The following TYW3 variants were observed in gnomAD, a reference collection of about 807,000 sequenced individuals.
TYW3 encodes tRNA-yW synthesizing protein 3 homolog.
In TYW3, 26 loss-of-function variants were observed where a neutral mutation model predicts 23.1. That is an observed-to-expected ratio of 1.13 (90% CI 0.83 to 1.56). TYW3 has a LOEUF of 1.56. Ranked by LOEUF, TYW3 falls within the 40% of genes most tolerant of loss-of-function variation. The pLI, the probability that TYW3 is intolerant of heterozygous loss-of-function variation, is 0.00. For missense variants in TYW3, 316 were observed against 311.9 expected (o/e 1.01, Z -0.10); for synonymous variants, 102 against 105.7 (o/e 0.97, Z 0.21).
chr1:74,746,147 A>G (rs776319403), intron 3 of TYW3, among the ~76,000 whole-genome samples: 61 of 152,360 alleles, frequency 4.0e-4, no homozygotes, highest in Non-Finnish European at 7.3e-4. Context: ...TCTGGAACTC[A>G]GGGGAGCCAT....
At position 74,733,388 on chromosome 1, in the gene TYW3, C is replaced by T; in HGVS notation, c.144C>T (p.Ser48=). 1 of 1,614,230 alleles carries T rather than the reference C, an allele frequency of 6.2e-7. No individual in the cohort carries two copies. Among genetic ancestry groups the T allele is most frequent in the Non-Finnish European group, 8.5e-7 (1 of 1,180,036 alleles). ...GAGATCAGTTTTTCACCACCAGCTC[C>T]TGCGCTGGCCGCATCCTACTCCTTG... ...NMRDQFFTTS[S]CAGRILLLDR... is the part of the protein sequence containing the mutation. The change falls in exon 1 of 6, where the codon TCC becomes TCT. Residue 48 remains serine (S), a synonymous_variant. Coordinates refer to ENST00000370867, the MANE Select transcript of TYW3 (RefSeq NM_138467.3).
At chr1:74,759,454 A>G (rs1446738941) in intron 5 of TYW3, among the ~76,000 whole-genome samples, 1 of 148,890 alleles carries the variant, frequency 6.7e-6, no homozygotes, top group African/African-American at 2.5e-5. Context: ...GCCAGAAGTG[A>G]TTGTCACACC....
At position 74,737,464 on chromosome 1, in the gene TYW3, G is replaced by A. The variant is rs530586846; in HGVS notation, c.255+842G>A. ...TCTTAGGTTAATTATTTTTGCTAGT[G>A]GAATGTGATGATATCCTTGATCAGA... is the stretch of plus-strand genomic sequence containing the variant. On this transcript the variant is annotated intron_variant, in intron 2 of 5. Coordinates refer to ENST00000370867, the MANE Select transcript of TYW3 (RefSeq NM_138467.3). 2.0e-5 allele frequency among the ~76,000 whole-genome samples: 3 copies of A among 152,276 alleles called. No homozygotes were observed. In the South Asian group the frequency reaches 6.2e-4, roughly 32 times the overall value.
chr1:74,736,736 G>A (rs1648168463), intron 2 of TYW3, 114 bp downstream of exon 2: 1 of 804,192 alleles, frequency 1.2e-6, no homozygotes, highest in African/African-American at 1.8e-5. Flanking sequence ...AATGGCTGAA[G>A]ATTATAAAAC....
intron 3 of TYW3, among the ~76,000 whole-genome samples, chr1:74,740,248 T>C (rs1309216903): frequency 6.6e-6 from 1 of 152,200 alleles, no homozygotes; most frequent in Admixed American, 6.5e-5. Flanking sequence ...CAGTGAGTGT[T>C]ACAGCTCTTA....
chr1:74,742,647 C>A (rs142014843), intron 3 of TYW3, among the ~76,000 whole-genome samples: 2 of 152,330 alleles, frequency 1.3e-5, no homozygotes, highest in African/African-American at 4.8e-5. Flanking sequence ...CAATGTAAGA[C>A]TGCCACCTCC....
intron 3 of TYW3, among the ~76,000 whole-genome samples, chr1:74,741,439 G>A (rs909783380): frequency 6.6e-6 from 1 of 152,104 alleles, no homozygotes; most frequent in African/African-American, 2.4e-5. Context: ...TAACTGGGGT[G>A]TGGTGAATCC....
chr1:74,733,563 G>T, intron 1 of TYW3, 145 bp downstream of exon 1: 1 of 1,436,556 alleles, frequency 7.0e-7, no homozygotes, highest in South Asian at 1.5e-5. Context: ...GTGAAATTTA[G>T]GGGATTAGAT....
intron 5 of TYW3, among the ~76,000 whole-genome samples, chr1:74,761,062 AC>A (rs1366952385): frequency 3.9e-5 from 5 of 128,680 alleles, no homozygotes; most frequent in Admixed American, 3.2e-4. Context: ...GCCTGAACAT[AC>A]TTTTTTTTTT....
At chr1:74,744,956 A>G (rs1399854961) in intron 3 of TYW3, among the ~76,000 whole-genome samples, 1 of 147,872 alleles carries the variant, frequency 6.8e-6, no homozygotes, top group Non-Finnish European at 1.5e-5. Context: ...CAGGAGTGAA[A>G]CTGCAGACAT....
chr1:74,763,862 C>G (rs1214184786), intron 5 of TYW3, 32 bp from the exon 6 acceptor site: 1 of 1,535,006 alleles, frequency 6.5e-7, no homozygotes, highest in Non-Finnish European at 8.8e-7. Context: ...TCAGTACACA[C>G]AGATATAATA....
At chr1:74,742,500 G>C (rs781568575) in intron 3 of TYW3, among the ~76,000 whole-genome samples, 27 of 152,152 alleles carry the variant, frequency 1.8e-4, no homozygotes, top group Non-Finnish European at 2.6e-4. Context: ...TTAACCTCTT[G>C]GAGGGGGTTG....
chr1:74,733,450 CCTT>C (rs1345320983), intron 1 of TYW3, 32 bp downstream of exon 1: 1 of 1,610,344 alleles, frequency 6.2e-7, no homozygotes, highest in African/African-American at 1.3e-5. Flanking sequence ...CCATCGCCTG[CCTT>C]CTAGTGCGAA....
At chr1:74,735,717 A>T (rs1014885756) in intron 1 of TYW3, among the ~76,000 whole-genome samples, 2 of 152,224 alleles carry the variant, frequency 1.3e-5, no homozygotes, top group Admixed American at 6.5e-5. Flanking sequence ...ACAATGTCAG[A>T]TACGTAAGTC....
chr1:74,742,120 G>A (rs1202466696), intron 3 of TYW3, among the ~76,000 whole-genome samples: 1 of 152,160 alleles, frequency 6.6e-6, no homozygotes, highest in Non-Finnish European at 1.5e-5. Context: ...GACAAGTATT[G>A]AAATCCCTTT....
rs1435852725 is a variant in TYW3 at position 74,766,665 on chromosome 1, A to C, written c.*2552A>C. ...GGTTAATTTATTGAAGAAATAAAAC[A>C]TTTTTAATGAAATTTTGTGTAGTCT... On this transcript the variant is annotated 3_prime_UTR_variant, in exon 6 of 6. Transcript: ENST00000370867. 3.3e-5 allele frequency: 5 copies of C among 152,198 alleles called. No homozygotes were observed. The highest frequency in any genetic ancestry group is 3.9e-4 in the East Asian group (2 of 5,188). The allele number at this position is 152,198 out of a possible 1,614,324, so 9.4% of individuals were successfully genotyped here.
chr1:74,738,929 C>A (rs1273633112), intron 3 of TYW3, 141 bp downstream of exon 3: 3 of 453,788 alleles, frequency 6.6e-6, no homozygotes, highest in African/African-American at 2.0e-5. Context: ...TCTGCTCAAT[C>A]TATTAATTTT....
At chr1:74,735,291 T>G (rs1342600846) in intron 1 of TYW3, among the ~76,000 whole-genome samples, 1 of 152,226 alleles carries the variant, frequency 6.6e-6, no homozygotes, top group Non-Finnish European at 1.5e-5. Flanking sequence ...AAACTGTTCT[T>G]TTCATCTTGT....
chr1:74,741,016 A>G (rs1051567713), intron 3 of TYW3, among the ~76,000 whole-genome samples: 6 of 152,156 alleles, frequency 3.9e-5, no homozygotes, highest in Non-Finnish European at 7.3e-5. Context: ...GGGGCCCTGC[A>G]GTTGTAGTGT....
Sources: allele counts gnomAD v4.1 joint callset (sites outside exome capture counted in the v4.1 genomes callset), GRCh38; gene constraint gnomAD v4.1.1; transcripts MANE v1.5; gene names NCBI Gene and HGNC (gene_info 2026-07-23, HGNC 2026-07-21).